The following IRAK1BP1 variants were observed in gnomAD, a reference collection of about 807,000 sequenced individuals.
IRAK1BP1 encodes the protein interleukin 1 receptor associated kinase 1 binding protein 1, also known as interleukin-1 receptor-associated kinase 1-binding protein 1.
IRAK1BP1 carries 24 observed loss-of-function variants against 28.0 expected under a neutral mutation model. The observed-to-expected ratio is 0.86, with a 90% CI of 0.62 to 1.20. IRAK1BP1 has a LOEUF of 1.20. Ranked by LOEUF, IRAK1BP1 falls within the 50% of genes most tolerant of loss-of-function variation. The probability of loss-of-function intolerance (pLI) is 0.00; values close to 1 mark genes in which losing one functional copy is unlikely to be tolerated. For missense variants in IRAK1BP1, 336 were observed against 316.7 expected (o/e 1.06, Z -0.46); for synonymous variants, 131 against 116.3 (o/e 1.13, Z -0.81).
the IRAK1BP1 span, chr6:78,958,515 A>G: frequency 6.4e-7 from 1 of 1,566,556 alleles, no homozygotes; most frequent in Non-Finnish European, 8.8e-7. Flanking sequence ...AATTTAGCAG[A>G]TTTCACAATA....
At chr6:78,946,409 T>C (rs1046985917) in exon 5 of IRAK1BP1, 6 of 1,399,590 alleles carry the variant, frequency 4.3e-6, no homozygotes, top group Admixed American at 2.9e-5. Context: ...TTGTGAGCCT[T>C]TGAAAGTGAA....
chr6:78,940,996 C>T (rs1434921010), intron 4 of IRAK1BP1: 3 of 1,613,956 alleles, frequency 1.9e-6, no homozygotes. Context: ...ATTTTTGTGT[C>T]TTCATCTTCC....
chr6:78,883,904 G>A (rs962065496), intron 1 of IRAK1BP1, among the ~76,000 whole-genome samples: 4 of 151,984 alleles, frequency 2.6e-5, no homozygotes, highest in African/African-American at 7.3e-5. Context: ...TAGCTGTCTC[G>A]GTTATCAGAG....
chr6:78,920,263 T>A (rs1178604080), intron 4 of IRAK1BP1, among the ~76,000 whole-genome samples: 1 of 151,792 alleles, frequency 6.6e-6, no homozygotes, highest in Non-Finnish European at 1.5e-5. Context: ...AAATAAAAAA[T>A]TTTACAAAAT....
chr6:78,874,012 C>A (rs1027176379), intron 1 of IRAK1BP1, among the ~76,000 whole-genome samples: 2 of 152,184 alleles, frequency 1.3e-5, no homozygotes, highest in African/African-American at 4.8e-5. Flanking sequence ...TGTCAAGGCT[C>A]TGCATACTTT....
chr6:78,906,556 T>G (rs546672481), downstream of IRAK1BP1, among the ~76,000 whole-genome samples: 1 of 152,304 alleles, frequency 6.6e-6, no homozygotes, highest in South Asian at 2.1e-4. Context: ...ACCAAAATAT[T>G]TTTGAAAAGT....
intron 4 of IRAK1BP1, among the ~76,000 whole-genome samples, chr6:78,932,525 A>C (rs1773085730): frequency 1.3e-5 from 2 of 149,090 alleles, no homozygotes; most frequent in African/African-American, 4.9e-5. Context: ...AGGTTCAAGC[A>C]ATTCTCCTGC....
chr6:78,975,009 C>T, the IRAK1BP1 span, among the ~76,000 whole-genome samples: 1 of 151,460 alleles, frequency 6.6e-6, no homozygotes, highest in Non-Finnish European at 1.5e-5. Flanking sequence ...GGGAATCCCC[C>T]CTAACTCATT....
the IRAK1BP1 span, chr6:78,978,732 A>G: frequency 6.4e-7 from 1 of 1,572,704 alleles, no homozygotes; most frequent in Admixed American, 1.7e-5. Context: ...TTAAGTAATA[A>G]TTGTTAAGTA....
chr6:78,947,859 A>T (rs1289493016), downstream of IRAK1BP1: 18 of 870,950 alleles, frequency 2.1e-5, no homozygotes, highest in Non-Finnish European at 3.1e-5. Context: ...CAGGATTTTT[A>T]TGATGACTGC....
chr6:78,961,660 T>C, the IRAK1BP1 span: 2 of 1,604,902 alleles, frequency 1.2e-6, no homozygotes, highest in East Asian at 4.5e-5. Context: ...CAGCTTTCCT[T>C]TGATAGTAGC....
the IRAK1BP1 span, among the ~76,000 whole-genome samples, chr6:78,973,192 T>G: frequency 6.6e-6 from 1 of 152,058 alleles, no homozygotes; most frequent in Non-Finnish European, 1.5e-5. Context: ...GCAGAAACTC[T>G]ACAAGCCAGA....
chr6:78,978,494 A>G, the IRAK1BP1 span: 1 of 925,144 alleles, frequency 1.1e-6, no homozygotes, highest in South Asian at 2.2e-5. Flanking sequence ...GATACTTTAC[A>G]AAACTGCTTC....
At chr6:78,946,282 C>T in exon 5 of IRAK1BP1, 3 of 1,602,334 alleles carry the variant, frequency 1.9e-6, no homozygotes, top group Middle Eastern at 1.7e-4. Context: ...ATAGTATTGT[C>T]AGTCACTCTT....
At position 78,915,913 on chromosome 6, in the gene IRAK1BP1, T is replaced by C. The variant is rs142682254; in HGVS notation, c.*67+12803T>C. On this transcript the variant is annotated intron_variant and NMD_transcript_variant, in intron 4 of 4. Transcript: ENST00000606868. ...TAAAAGTAATATGATCTGTGGCAGATTGATGATGTTTTGTTACCAGTCAAG... is the reference window on the plus strand; with the variant it reads ...TAAAAGTAATATGATCTGTGGCAGACTGATGATGTTTTGTTACCAGTCAAG... Among the ~76,000 whole-genome samples the C allele has an allele frequency of 6.4e-4, 98 of 152,308 alleles. 1 individual carries two copies. The South Asian group carries it at 8.1e-3, about 13-fold the overall frequency.
At chr6:78,941,000 A>T (rs771233799) in intron 4 of IRAK1BP1, 10 of 1,613,976 alleles carry the variant, frequency 6.2e-6, no homozygotes, top group Non-Finnish European at 8.5e-6. Flanking sequence ...TTGTGTCTTC[A>T]TCTTCCTTTT....
At chr6:78,888,131 A>C (rs1431916268) in intron 2 of IRAK1BP1, among the ~76,000 whole-genome samples, 1 of 152,240 alleles carries the variant, frequency 6.6e-6, no homozygotes. Context: ...TTCCACTTAC[A>C]TGAGGAGTCT....
At chr6:78,946,668 A>T (rs764453972), downstream of IRAK1BP1, 9 of 1,491,162 alleles carry the variant, frequency 6.0e-6, no homozygotes. Context: ...CATTTAGATG[A>T]AAGTTATAGA....
At chr6:78,916,592 A>T (rs757541214) in intron 4 of IRAK1BP1, among the ~76,000 whole-genome samples, 1 of 152,164 alleles carries the variant, frequency 6.6e-6, no homozygotes, top group Non-Finnish European at 1.5e-5. Context: ...AGTGCCTAAC[A>T]CCTAGTGTTT....
Sources: allele counts gnomAD v4.1 joint callset (sites outside exome capture counted in the v4.1 genomes callset), GRCh38; gene constraint gnomAD v4.1.1; transcripts MANE v1.5; gene names NCBI Gene and HGNC (gene_info 2026-07-23, HGNC 2026-07-21).